LIN54: variants seen among roughly 807,000 people sequenced by gnomAD.
The protein encoded by LIN54 is lin-54 DREAM MuvB core complex component.
A neutral mutation model predicts 78.7 loss-of-function variants in LIN54; 9 were observed. That is an observed-to-expected ratio of 0.11 (90% CI 0.07 to 0.20). The LOEUF (loss-of-function observed/expected upper bound fraction) is 0.20. Ranked by LOEUF, LIN54 falls within the 10% of genes least tolerant of loss-of-function variation. The pLI is 1.00. For missense variants in LIN54, 573 were observed against 889.9 expected (o/e 0.64, Z 4.53); for synonymous variants, 269 against 318.4 (o/e 0.84, Z 1.65).
chr4:82,971,612 C>A (rs767597858), intron 3 of LIN54, among the ~76,000 whole-genome samples: 1 of 151,752 alleles, frequency 6.6e-6, no homozygotes, highest in Non-Finnish European at 1.5e-5. Flanking sequence ...ATTATCCTAA[C>A]TGATCCAGGC....
intron 4 of LIN54, among the ~76,000 whole-genome samples, chr4:82,963,882 T>G (rs1400387290): frequency 1.3e-5 from 2 of 152,174 alleles, no homozygotes; most frequent in Non-Finnish European, 2.9e-5. Flanking sequence ...GTTTAAAATA[T>G]TTTTATATTG....
At chr4:83,012,162 ACTTCATT>A (rs912761843), upstream of LIN54, 98 of 425,710 alleles carry the variant, frequency 2.3e-4, 1 homozygote, top group Middle Eastern at 2.5e-3. Flanking sequence ...TCATCTTTAA[ACTTCATT>A]TCCCCACTGA....
At chr4:82,940,138 C>T (rs1722733321) in intron 5 of LIN54, among the ~76,000 whole-genome samples, 176 bp from the exon 6 acceptor site, 1 of 152,208 alleles carries the variant, frequency 6.6e-6, no homozygotes, top group Non-Finnish European at 1.5e-5. Context: ...TTGCTTACCC[C>T]ATCTACCAGA....
chr4:82,962,746 A>AAACAACTGAGAAAAAC (rs1476070758), intron 4 of LIN54, among the ~76,000 whole-genome samples: 2 of 152,024 alleles, frequency 1.3e-5, no homozygotes, highest in Non-Finnish European at 2.9e-5. Flanking sequence ...TGAGAAAATA[A>AAACAACTGAGAAAAAC]TCAATAAATT....
chr4:82,984,540 A>C lies in LIN54; in HGVS notation c.305T>G (p.Leu102Arg). ...TATAGTCACAGGAGTCTGAGCACCA[A>C]GTTTTTGAAGGCCACTTGGAAAAGC... ...KPAFPSGLQKLGAQTPVTISA... is the reference protein window; with the variant it reads ...KPAFPSGLQKRGAQTPVTISA... Residue 102 changes from leucine to arginine, a missense_variant, in exon 2 of 13, where the codon CTT becomes CGT. Leu to Arg is a moderately radical substitution (Grantham distance 102). This residue lies in a region of LIN54 where 183 missense variants were observed against 228.4 expected (regional missense o/e 0.80). Transcript: ENST00000340417. 1 of 1,614,188 alleles carries C rather than the reference A, an allele frequency of 6.2e-7. No homozygotes were observed.
Position 83,003,756 on chromosome 4 carries a change from G to A in LIN54, c.-33+6728C>T, listed in dbSNP as rs74577967. Among the ~76,000 whole-genome samples, 1,058 of 152,210 alleles carry A rather than the reference G, an allele frequency of 7.0e-3. 36 individuals carry two copies. The East Asian group carries it at 0.093, about 13-fold the overall frequency. ...GCCCAGGCTAGTCTCAAACACCTGA[G>A]CTCAAGCCATCCACCCACCTCGGCC... On this transcript the variant is annotated intron_variant, in intron 1 of 12. Coordinates refer to ENST00000340417, the MANE Select transcript of LIN54 (RefSeq NM_194282.4).
chr4:82,989,653 G>A (rs1369956805), intron 1 of LIN54, among the ~76,000 whole-genome samples: 1 of 152,144 alleles, frequency 6.6e-6, no homozygotes, highest in Non-Finnish European at 1.5e-5. Flanking sequence ...ACAGACATCA[G>A]CCCAACCCCT....
rs368624674 is a variant in LIN54, at chr4:82,970,425, T to G, written c.853A>C (p.Ile285Leu). The G allele has an allele frequency of 1.4e-5, 22 of 1,613,332 alleles. No homozygotes were observed. In the African/African-American group the frequency reaches 2.7e-4, roughly 20 times the overall value. The part of the protein sequence containing the change: ...QSTPGTPSKT[I>L]TISESGVIGS... ...ATAACACCACTTTCAGATATTGTTA[T>G]GGTCTTTGATGGAGTTCCGGGAGTA... Residue 285 changes from isoleucine to leucine, a missense_variant, in exon 4 of 13, where the codon ATA becomes CTA. Ile to Leu is a conservative substitution (Grantham distance 5). Transcript: ENST00000340417.
chr4:82,939,412 T>G (rs1722652512), intron 7 of LIN54, 127 bp downstream of exon 7: 3 of 789,074 alleles, frequency 3.8e-6, no homozygotes, highest in Non-Finnish European at 4.4e-6. Context: ...GGTTAACATT[T>G]TAAGATTTTG....
At chr4:82,939,239 T>C (rs1286204298) in intron 7 of LIN54, among the ~76,000 whole-genome samples, 3 of 152,204 alleles carry the variant, frequency 2.0e-5, no homozygotes, top group Non-Finnish European at 4.4e-5. Context: ...CTAAATTCAT[T>C]TGGACTCTGC....
At position 82,947,207 on chromosome 4, in the gene LIN54, T is replaced by TTATATATA. The variant is rs1207992875; in HGVS notation, c.952-741_952-734dup. 1.2e-3 allele frequency among the ~76,000 whole-genome samples: 94 copies of TTATATATA among 76,194 alleles called. 5 individuals are homozygous for TTATATATA. The highest frequency in any genetic ancestry group is 4.5e-3 in the African/African-American group (80 of 17,640). 50.0% of individuals were successfully genotyped at this position (76,194 alleles called of 152,430 possible). ...TGTATTCCCTGAGTCAAAAAAAAAT[T>TTATATATA]TATATATATATATATATATATATAT... On this transcript the variant is annotated intron_variant, in intron 4 of 12. Coordinates refer to ENST00000340417, the MANE Select transcript of LIN54 (RefSeq NM_194282.4).
upstream of LIN54, among the ~76,000 whole-genome samples, chr4:83,011,090 G>T (rs995437655): frequency 6.6e-6 from 1 of 152,202 alleles, no homozygotes; most frequent in South Asian, 2.1e-4. Context: ...GTGGCATAAG[G>T]ACAATAAAGA....
intron 3 of LIN54, among the ~76,000 whole-genome samples, chr4:82,974,235 A>C (rs541679439): frequency 2.0e-5 from 3 of 152,000 alleles, no homozygotes; most frequent in Non-Finnish European, 4.4e-5. Context: ...CCAAAAAAAA[A>C]AGGTGCCAAA....
intron 4 of LIN54, among the ~76,000 whole-genome samples, chr4:82,966,808 C>T (rs1432939130): frequency 6.6e-6 from 1 of 152,006 alleles, no homozygotes; most frequent in African/African-American, 2.4e-5. Flanking sequence ...CAGGGTTTCA[C>T]CATGTTAGCC....
intron 1 of LIN54, 105 bp from the exon 2 acceptor site, chr4:82,984,981 T>C (rs1726994481): frequency 2.9e-6 from 2 of 699,090 alleles, no homozygotes; most frequent in Admixed American, 2.9e-5. Context: ...TAAATTGATA[T>C]ATAATTGAAT....
intron 10 of LIN54, 78 bp from the exon 11 acceptor site, chr4:82,936,196 C>T (rs1168508402): frequency 2.6e-6 from 4 of 1,559,204 alleles, no homozygotes; most frequent in East Asian, 2.3e-5. Context: ...GAATTGATAA[C>T]GTTTCTTTGC....
At chr4:83,004,416 A>AG (rs1729142021) in intron 1 of LIN54, among the ~76,000 whole-genome samples, 1 of 145,248 alleles carries the variant, frequency 6.9e-6, no homozygotes, top group African/African-American at 2.5e-5. Context: ...AAAAAAAAAA[A>AG]GAAAGAAAGA....
intron 4 of LIN54, among the ~76,000 whole-genome samples, chr4:82,963,367 G>A (rs553753300): frequency 2.0e-5 from 3 of 152,170 alleles, no homozygotes; most frequent in Admixed American, 6.5e-5. Flanking sequence ...AGATGAATTC[G>A]ACACCAGCCT....
In LIN54 at chr4:82,925,689, TTATAC is replaced by T. The variant is rs1444466786; in HGVS notation, c.*2408_*2412del. 1 of 152,672 alleles carries T rather than the reference TTATAC, an allele frequency of 6.5e-6. No homozygotes were observed. The highest frequency in any genetic ancestry group is 2.1e-4 in the South Asian group (1 of 4,834). The allele number at this position is 152,672 out of a possible 1,614,324, so 9.5% of individuals were successfully genotyped here. On this transcript the variant is annotated 3_prime_UTR_variant, in exon 13 of 13. Transcript: ENST00000340417. Reference sequence around the variant, plus strand: ...TTAAATGGTTAATAAAGTGGTGTTATTATACTAAAGAAAAAATGCAAAACCTTTTT... The same window carrying T: ...TTAAATGGTTAATAAAGTGGTGTTATTAAAGAAAAAATGCAAAACCTTTTT...
Sources: gnomAD v4.1 joint callset for allele counts (sites outside exome capture counted in the v4.1 genomes callset) on GRCh38, gnomAD v4.1.1 for gene constraint, gnomAD v4.1.1 regional missense constraint, MANE v1.5 for transcripts, NCBI Gene and HGNC (gene_info 2026-07-23, HGNC 2026-07-21) for gene names.